The following LCA5 variants were observed in gnomAD, a reference collection of about 807,000 sequenced individuals.
LCA5 encodes the protein lebercilin.
A neutral mutation model predicts 53.0 loss-of-function variants in LCA5; 37 were observed. The observed-to-expected ratio is 0.70, with a 90% CI of 0.54 to 0.92. The LOEUF is 0.92. Among genes scored for constraint, LCA5 ranks in the 40% least tolerant of loss-of-function variants. The pLI, the probability that LCA5 is intolerant of heterozygous loss-of-function variation, is 0.00. For missense variants in LCA5, 806 were observed against 790.5 expected (o/e 1.02, Z -0.23); for synonymous variants, 303 against 282.9 (o/e 1.07, Z -0.71).
chr6:79,506,622 T>C (rs984833123), intron 3 of LCA5, among the ~76,000 whole-genome samples: 2 of 152,212 alleles, frequency 1.3e-5, no homozygotes, highest in Admixed American at 1.3e-4. Context: ...AAACTGCATA[T>C]TAGCCGAATT....
At chr6:79,491,453 C>T (rs1769838446) in intron 6 of LCA5, 135 bp downstream of exon 6, 5 of 894,974 alleles carry the variant, frequency 5.6e-6, no homozygotes, top group African/African-American at 1.7e-5. Context: ...TACCTCTTTC[C>T]CTTCAAAAAG....
At chr6:79,499,345 T>A (rs186633640) in intron 3 of LCA5, among the ~76,000 whole-genome samples, 2 of 152,180 alleles carry the variant, frequency 1.3e-5, no homozygotes, top group East Asian at 3.9e-4. Flanking sequence ...ATTAAAATGC[T>A]TAGAAAAAAT....
chr6:79,506,007 C>T (rs1373940562), intron 3 of LCA5, among the ~76,000 whole-genome samples: 1 of 152,118 alleles, frequency 6.6e-6, no homozygotes, highest in African/African-American at 2.4e-5. Context: ...AAGCAATCAA[C>T]AAGCAACACT....
intron 3 of LCA5, among the ~76,000 whole-genome samples, chr6:79,497,270 C>T (rs1306859402): frequency 6.6e-6 from 1 of 152,096 alleles, no homozygotes; most frequent in African/African-American, 2.4e-5. Flanking sequence ...ACATAGACTG[C>T]TTATTGATTT....
At chr6:79,500,979 T>G (rs190492346) in intron 3 of LCA5, among the ~76,000 whole-genome samples, 20 of 152,278 alleles carry the variant, frequency 1.3e-4, no homozygotes, top group African/African-American at 4.6e-4. Context: ...CCAATAAAAT[T>G]AGAGTTATTA....
intron 3 of LCA5, among the ~76,000 whole-genome samples, chr6:79,497,646 T>C (rs62411348): frequency 0.11 from 17,487 of 152,188 alleles, 1,121 homozygotes; most frequent in Non-Finnish European, 0.13. Context: ...TACTTGACCC[T>C]AGACTGGGTC....
rs750475240 is a variant in LCA5, at chr6:79,489,151, T to C, written c.1164A>G (p.Arg388=). Residue 388 remains arginine, a synonymous_variant, in exon 7 of 8, where the codon AGA becomes AGG. Coordinates refer to ENST00000369846, the MANE Select transcript of LCA5 (RefSeq NM_001122769.3). ...EAGILNPIME[R]EEKFVTDEEL... The stretch of plus-strand genomic sequence containing the variant: ...CTTCATCTGTAACAAATTTTTCTTC[T>C]CTTTCCATAATTGGGTTTAGAATCC... 1.2e-6 allele frequency: 2 copies of C among 1,613,038 alleles called. No individual in the cohort carries two copies. The highest frequency in any genetic ancestry group is 8.5e-7 in the Non-Finnish European group (1 of 1,179,734).
rs1769899620 is a variant in LCA5 at position 79,493,607 on chromosome 6, A to C, written c.858+6T>G. ...TATGGAAAACAATGCAATTTAAAATACTTACCTTTAATTTGTGATATAGTC... is the reference window on the plus strand; with the variant it reads ...TATGGAAAACAATGCAATTTAAAATCCTTACCTTTAATTTGTGATATAGTC... On this transcript the variant is annotated splice_donor_region_variant and intron_variant, in intron 4 of 7. Transcript: ENST00000369846. 16 of 1,610,382 alleles carry C rather than the reference A, an allele frequency of 9.9e-6. No individual in the cohort carries two copies. The highest frequency in any genetic ancestry group is 1.4e-5 in the Non-Finnish European group (16 of 1,176,908).
At chr6:79,509,153 G>T (rs1770344620) in intron 3 of LCA5, among the ~76,000 whole-genome samples, 1 of 152,068 alleles carries the variant, frequency 6.6e-6, no homozygotes, top group South Asian at 2.1e-4. Flanking sequence ...AGGTTATTGG[G>T]TTAAGAGAAG....
At chr6:79,526,944 T>G (rs1375726514) in intron 1 of LCA5, among the ~76,000 whole-genome samples, 2 of 152,106 alleles carry the variant, frequency 1.3e-5, no homozygotes, top group Non-Finnish European at 2.9e-5. Context: ...AATTATAAAC[T>G]GGCCATATCC....
chr6:79,497,234 T>C (rs925699039), intron 3 of LCA5, among the ~76,000 whole-genome samples: 2 of 152,196 alleles, frequency 1.3e-5, no homozygotes, highest in Non-Finnish European at 2.9e-5. Context: ...AGGAACAAGA[T>C]ATTTACATAT....
chr6:79,524,691 A>G (rs947150547), intron 1 of LCA5, among the ~76,000 whole-genome samples: 1 of 152,142 alleles, frequency 6.6e-6, no homozygotes, highest in African/African-American at 2.4e-5. Context: ...ACAGATTCTC[A>G]TTCCTTTATA....
chr6:79,507,840 C>T (rs1562103415), intron 3 of LCA5, among the ~76,000 whole-genome samples: 1 of 152,128 alleles, frequency 6.6e-6, no homozygotes, highest in Non-Finnish European at 1.5e-5. Context: ...ATGCTTTCTG[C>T]AAAAGGTGGC....
intron 1 of LCA5, among the ~76,000 whole-genome samples, chr6:79,528,912 T>G (rs369694693): frequency 1.3e-5 from 2 of 152,200 alleles, no homozygotes; most frequent in African/African-American, 4.8e-5. Context: ...CTGCCCCAAA[T>G]GTAACCATCA....
Position 79,487,572 on chromosome 6 carries a change from T to C in LCA5, c.1526A>G (p.Tyr509Cys), listed in dbSNP as rs747584043. 3.1e-6 allele frequency: 5 copies of C among 1,614,046 alleles called. No individual in the cohort carries two copies. The South Asian group carries it at 3.3e-5, about 11-fold the overall frequency. Residue 509 changes from tyrosine (Y) to cysteine (C), a missense_variant, in exon 8 of 8, where the codon TAC becomes TGC. Coordinates refer to ENST00000369846, the MANE Select transcript of LCA5 (RefSeq NM_001122769.3). ...TCTCTCTGAGGATTCAGAGAACCTGTATGTTTTGGGGCTTCTCTCTGGGGA... is the reference window on the plus strand; with the variant it reads ...TCTCTCTGAGGATTCAGAGAACCTGCATGTTTTGGGGCTTCTCTCTGGGGA... ...LHSPERSPKTYRFSESSERLF... is the reference protein window; with the variant it reads ...LHSPERSPKTCRFSESSERLF...
chr6:79,500,938 A>T (rs1044577815), intron 3 of LCA5, among the ~76,000 whole-genome samples: 18 of 152,174 alleles, frequency 1.2e-4, no homozygotes, highest in African/African-American at 4.1e-4. Context: ...TGTTACCTAA[A>T]ATCTGGTACT....
Position 79,518,733 on chromosome 6 carries a change from T to A in LCA5, c.162A>T (p.Gln54His). 1 of 1,614,116 alleles carries A rather than the reference T, an allele frequency of 6.2e-7. No homozygotes were observed. Among genetic ancestry groups the A allele is most frequent in the Non-Finnish European group, 8.5e-7 (1 of 1,179,994 alleles). Residue 54 changes from glutamine to histidine, a missense_variant, in exon 2 of 8, where the codon CAA (glutamine) becomes CAT (histidine). Gln to His is a conservative substitution (Grantham distance 24). Transcript: ENST00000369846. ...ASVRRKNPKR[Q>H]TSDGQVHHQA... ...GGTGATGTACTTGGCCATCTGAAGT[T>A]TGTCTTTTAGGATTTTTTCTCCTAA... is the stretch of plus-strand genomic sequence containing the variant.
intron 3 of LCA5, among the ~76,000 whole-genome samples, chr6:79,502,316 A>G (rs1770162981): frequency 6.6e-6 from 1 of 152,200 alleles, no homozygotes; most frequent in South Asian, 2.1e-4. Flanking sequence ...TTTGAGCAGG[A>G]CAAGACAGAG....
chr6:79,521,349 A>T (rs994912316), intron 1 of LCA5, among the ~76,000 whole-genome samples: 1 of 152,256 alleles, frequency 6.6e-6, no homozygotes. Context: ...AAAACCACAC[A>T]AATTAACCAG....
Sources: gnomAD v4.1 joint callset for allele counts (sites outside exome capture counted in the v4.1 genomes callset) on GRCh38, gnomAD v4.1.1 for gene constraint, MANE v1.5 for transcripts, NCBI Gene and HGNC (gene_info 2026-07-23, HGNC 2026-07-21) for gene names.